Variants in WNT10A observed in about 807,000 individuals in gnomAD.
WNT10A encodes Wnt family member 10A.
WNT10A carries 37 observed loss-of-function variants against 36.1 expected under a neutral mutation model. That is an observed-to-expected ratio of 1.02 (90% CI 0.79 to 1.35). The LOEUF (loss-of-function observed/expected upper bound fraction) is 1.35, where lower values mean the gene tolerates loss of function less well. WNT10A is among the 40% of genes most tolerant of loss of function. The pLI is 0.00. For missense variants in WNT10A, 613 were observed against 601.4 expected (o/e 1.02, Z -0.20); for synonymous variants, 255 against 254.1 (o/e 1.00, Z -0.03).
intron 3 of WNT10A, among the ~76,000 whole-genome samples, chr2:218,892,042 G>A (rs1575234369): frequency 6.6e-6 from 1 of 152,104 alleles, no homozygotes; most frequent in Admixed American, 6.5e-5. Flanking sequence ...TCACTGAGCT[G>A]GAGAGCCTGG....
intron 2 of WNT10A, among the ~76,000 whole-genome samples, chr2:218,883,620 G>A (rs976242348): frequency 7.0e-6 from 1 of 143,324 alleles, no homozygotes; most frequent in Non-Finnish European, 1.5e-5. Context: ...AGCCCAGCCC[G>A]ACGCGTGTGG....
chr2:218,892,012 G>C (rs1336160775), intron 3 of WNT10A, among the ~76,000 whole-genome samples: 1 of 152,068 alleles, frequency 6.6e-6, no homozygotes, highest in Non-Finnish European at 1.5e-5. Context: ...TCCCTTGGAG[G>C]CCTGAGACCT....
chr2:218,884,553 T>G (rs1944558331), intron 2 of WNT10A, among the ~76,000 whole-genome samples: 1 of 152,134 alleles, frequency 6.6e-6, no homozygotes, highest in South Asian at 2.1e-4. Flanking sequence ...TACTTCTACC[T>G]TCTACCTTCT....
chr2:218,890,133 C>T lies in WNT10A; in HGVS notation c.526C>T (p.Arg176Cys), dbSNP rs754010310. ...DEEAFRRKLH[R>C]LQLDALQRGK... ...GGAGGCCTTCCGTAGGAAGCTGCAC[C>T]GCTTACAACTGGATGCACTGCAGCG... Residue 176 changes from arginine (R) to cysteine (C), a missense_variant, in exon 3 of 4, where the codon CGC becomes TGC. Transcript: ENST00000258411. 86 of 1,614,046 alleles carry T rather than the reference C, an allele frequency of 5.3e-5. No individual in the cohort carries two copies. The highest frequency in any genetic ancestry group is 6.9e-5 in the Non-Finnish European group (81 of 1,180,044).
chr2:218,878,426 G>A (rs1218714094), upstream of WNT10A, among the ~76,000 whole-genome samples: 2 of 151,920 alleles, frequency 1.3e-5, no homozygotes, highest in African/African-American at 4.8e-5. This position sits in a 1 kb window ranked among gnomAD's most constrained non-coding sequence, Gnocchi z 4.1. Flanking sequence ...GGGTTTTCTC[G>A]GTCTCCTTTG....
upstream of WNT10A, among the ~76,000 whole-genome samples, chr2:218,876,093 G>A (rs1397784259): frequency 6.6e-6 from 1 of 152,138 alleles, no homozygotes; most frequent in Non-Finnish European, 1.5e-5. Flanking sequence ...TCCTCCTGCA[G>A]ACTTTCTCCA....
the WNT10A span, among the ~76,000 whole-genome samples, chr2:218,875,551 A>C: frequency 6.6e-6 from 1 of 152,164 alleles, no homozygotes. Flanking sequence ...GTATCTTCTC[A>C]AGTCCAGCTT....
Position 218,890,195 on chromosome 2 carries a change from A to AG in WNT10A, c.589dup (p.Ala197GlyfsTer30). 6.2e-7 allele frequency: 1 copy of AG among 1,614,064 alleles called. No individual in the cohort carries two copies. The highest frequency in any genetic ancestry group is 8.5e-7 in the Non-Finnish European group (1 of 1,180,006). On this transcript the variant is annotated frameshift_variant, in exon 3 of 4. Coordinates refer to ENST00000258411, the MANE Select transcript of WNT10A (RefSeq NM_025216.3). LOFTEE classifies it high-confidence loss of function. ...TGAGCCATGGGGTCCCGGAACACCC[A>AG]GCCCTGCCCACAGCCAGCCCAGGCC...
rs757439312 is a variant in WNT10A at position 218,892,879 on chromosome 2, G to A, written c.862G>A (p.Ala288Thr). 36 of 1,569,368 alleles carry A rather than the reference G, an allele frequency of 2.3e-5. No homozygotes were observed. The highest frequency in any genetic ancestry group is 2.9e-5 in the Non-Finnish European group (34 of 1,160,322). The change falls in exon 4 of 4, where the codon GCG becomes ACG. Residue 288 changes from alanine to threonine, a missense_variant. By Grantham distance (58) the Ala-to-Thr change is moderately conservative. Coordinates refer to ENST00000258411, the MANE Select transcript of WNT10A (RefSeq NM_025216.3). ...GACGCCCGAGTTCCGCACCGTGGGG[G>A]CGCTGCTGCGCAGCCGCTTCCACCG... ...QVTPEFRTVG[A>T]LLRSRFHRAT...
In WNT10A at chr2:218,882,312, A is replaced by AT; in HGVS notation, c.266dup (p.Gln90ProfsTer30). Reference sequence around the variant, plus strand: ...TGTGGCTGCCTCAGCCATACAGGGCATCCAGATCGCCATCCACGAATGCCA... The same window carrying AT: ...TGTGGCTGCCTCAGCCATACAGGGCATTCCAGATCGCCATCCACGAATGCCA... On this transcript the variant is annotated frameshift_variant, in exon 2 of 4. Transcript: ENST00000258411. LOFTEE classifies it high-confidence loss of function. 6.2e-7 allele frequency: 1 copy of AT among 1,614,156 alleles called. No homozygotes were observed. The highest frequency in any genetic ancestry group is 2.2e-5 in the East Asian group (1 of 44,886).
intron 3 of WNT10A, among the ~76,000 whole-genome samples, chr2:218,892,303 C>CCACACACACACACACA (rs60385784): frequency 9.9e-6 from 1 of 100,948 alleles, no homozygotes; most frequent in Non-Finnish European, 2.1e-5. Context: ...ACCCACCCCA[C>CCACACACACACACACA]CACACACACA....
At chr2:218,882,820 AG>A (rs900668497) in intron 2 of WNT10A, among the ~76,000 whole-genome samples, 10 of 152,196 alleles carry the variant, frequency 6.6e-5, no homozygotes, top group African/African-American at 1.9e-4. Context: ...CAGCATGAGG[AG>A]GGGTTGAGGA....
chr2:218,892,479 C>T (rs987151204), intron 3 of WNT10A, among the ~76,000 whole-genome samples: 10 of 152,102 alleles, frequency 6.6e-5, no homozygotes, highest in African/African-American at 2.4e-4. Flanking sequence ...GCAAGAGCCT[C>T]CAGCCCCAAG....
chr2:218,893,890 TGGGGGGAGGCATGGGCAATAAACAA>T lies in WNT10A; in HGVS notation c.*621_*645del, dbSNP rs1944686763. 1 of 152,216 alleles carries T rather than the reference TGGGGGGAGGCATGGGCAATAAACAA, an allele frequency of 6.6e-6. No homozygotes were observed. Among genetic ancestry groups the T allele is most frequent in the Non-Finnish European group, 1.5e-5 (1 of 68,096 alleles). The allele number at this position is 152,216 out of a possible 1,614,324, so 9.4% of individuals were successfully genotyped here. A position where few individuals can be genotyped will look rare whatever the true frequency, so the allele number is the denominator to read the frequency against. On this transcript the variant is annotated 3_prime_UTR_variant, in exon 4 of 4. Coordinates refer to ENST00000258411, the MANE Select transcript of WNT10A (RefSeq NM_025216.3). This position sits in a 1 kb window ranked among gnomAD's most constrained non-coding sequence, Gnocchi z 6.3. ...GTCCTCTTGGAGGTTACATTCTTGC[TGGGGGGAGGCATGGGCAATAAACAA>T]GTAAATATACAAACAAGGTCATTTC...
At chr2:218,890,632 C>T (rs576384459) in intron 3 of WNT10A, among the ~76,000 whole-genome samples, 5 of 152,290 alleles carry the variant, frequency 3.3e-5, no homozygotes, top group South Asian at 2.1e-4. Flanking sequence ...CCTACTTCCT[C>T]GGGTGATCAC....
At chr2:218,877,801 G>T (rs528307721), upstream of WNT10A, among the ~76,000 whole-genome samples, 1 of 152,204 alleles carries the variant, frequency 6.6e-6, no homozygotes, top group Non-Finnish European at 1.5e-5. This position sits in a 1 kb window ranked among gnomAD's most constrained non-coding sequence, Gnocchi z 4.1. Flanking sequence ...CTTGCTGAGG[G>T]TTGGTGGCCT....
rs1296699152 is a variant in WNT10A at position 218,892,904 on chromosome 2, G to A, written c.887G>A (p.Arg296His). ...GCGCTGCTGCGCAGCCGCTTCCACCGCGCCACGCTCATCCGGCCGCACAAC... is the reference window on the plus strand; with the variant it reads ...GCGCTGCTGCGCAGCCGCTTCCACCACGCCACGCTCATCCGGCCGCACAAC... ...VGALLRSRFH[R>H]ATLIRPHNRN... Residue 296 changes from arginine to histidine, a missense_variant, in exon 4 of 4, where the codon CGC (arginine) becomes CAC (histidine). Physicochemically the swap from Arg to His is conservative, Grantham distance 29 (BLOSUM62 0). Coordinates refer to ENST00000258411, the MANE Select transcript of WNT10A (RefSeq NM_025216.3). 5 of 1,537,522 alleles carry A rather than the reference G, an allele frequency of 3.3e-6. No individual in the cohort carries two copies. The highest frequency in any genetic ancestry group is 4.4e-6 in the Non-Finnish European group (5 of 1,145,188).
In WNT10A at chr2:218,892,931, G is replaced by T. The variant is rs746769946; in HGVS notation, c.914G>T (p.Arg305Leu). ...HRATLIRPHNRNGGQLEPGPA... is the reference protein window; with the variant it reads ...HRATLIRPHNLNGGQLEPGPA... ...GCCACGCTCATCCGGCCGCACAACC[G>T]CAACGGCGGCCAGCTGGAGCCGGGC... is the stretch of plus-strand genomic sequence containing the variant. The change falls in exon 4 of 4, where the codon CGC (arginine) becomes CTC (leucine). Residue 305 changes from arginine to leucine, a missense_variant. Transcript: ENST00000258411. 29 of 1,483,898 alleles carry T rather than the reference G, an allele frequency of 2.0e-5. No homozygotes were observed. Among genetic ancestry groups the T allele is most frequent in the Non-Finnish European group, 2.5e-5 (28 of 1,119,808 alleles). 91.9% of individuals were successfully genotyped at this position (1,483,898 alleles called of 1,614,324 possible).
At chr2:218,890,938 T>G (rs1313769050) in intron 3 of WNT10A, among the ~76,000 whole-genome samples, 1 of 152,174 alleles carries the variant, frequency 6.6e-6, no homozygotes, top group African/African-American at 2.4e-5. Context: ...CAAGGGTCAT[T>G]CATTAAAAAT....
Sources: gnomAD v4.1 joint callset for allele counts (sites outside exome capture counted in the v4.1 genomes callset) on GRCh38, gnomAD v4.1.1 for gene constraint, Gnocchi (gnomAD v3.1) non-coding constraint, MANE v1.5 for transcripts, NCBI Gene and HGNC (gene_info 2026-07-23, HGNC 2026-07-21) for gene names.